Variants in PET117 observed in about 807,000 individuals in gnomAD.
PET117 encodes the protein protein PET117 homolog, mitochondrial.
In PET117, 10 loss-of-function variants were observed where a neutral mutation model predicts 9.2. The observed-to-expected ratio is 1.09, with a 90% confidence interval of 0.67 to 1.85. The LOEUF is 1.85. Among genes scored for constraint, PET117 ranks in the 40% most tolerant of loss-of-function variants. PET117 has a pLI of 0.00. For synonymous variants in PET117, 43 were observed against 37.1 expected, an observed-to-expected ratio of 1.16 and a Z score of -0.57; for missense variants, 96 against 98.2, an observed-to-expected ratio of 0.98 and a Z score of 0.09.
intron 1 of PET117, 44 bp downstream of exon 1, chr20:18,138,095 G>T: frequency 1.4e-6 from 2 of 1,436,136 alleles, no homozygotes; most frequent in South Asian, 1.4e-5. Context: ...CGCGCGCGGC[G>T]TCGACCTGGG....
chr20:18,138,073 C>T (rs1404142051), intron 1 of PET117, 22 bp downstream of exon 1: 8 of 1,447,716 alleles, frequency 5.5e-6, no homozygotes, highest in Middle Eastern at 1.8e-4. Flanking sequence ...GTGACCGTCT[C>T]TTCCGGGCCC....
At chr20:18,138,456 G>C (rs2037387273) in intron 1 of PET117, 1 of 992,880 alleles carries the variant, frequency 1.0e-6, no homozygotes. Context: ...TGGGGAAGGA[G>C]TTTCTTGGGG....
At chr20:18,141,190 C>T (rs1266280354) in intron 1 of PET117, among the ~76,000 whole-genome samples, 3 of 151,704 alleles carry the variant, frequency 2.0e-5, no homozygotes, top group African/African-American at 7.3e-5. Flanking sequence ...TGGCCTAAAA[C>T]CTTTAGAGTA....
intron 1 of PET117, among the ~76,000 whole-genome samples, chr20:18,139,480 C>G (rs2037439373): frequency 6.6e-6 from 1 of 152,164 alleles, no homozygotes; most frequent in Non-Finnish European, 1.5e-5. Flanking sequence ...GTCCCCACCC[C>G]AGACCATTTA....
At position 18,143,115 on chromosome 20, in the gene PET117, CATT is replaced by C. The variant is rs1337314267; in HGVS notation, c.*759_*761del. The C allele has an allele frequency of 3.7e-6, 5 of 1,336,916 alleles. No individual in the cohort carries two copies. Among genetic ancestry groups the C allele is most frequent in the South Asian group, 4.0e-5 (2 of 49,416 alleles). 82.8% of individuals were successfully genotyped at this position (1,336,916 alleles called of 1,614,324 possible). On this transcript the variant is annotated 3_prime_UTR_variant, in exon 2 of 2. Transcript: ENST00000432901. ...TGAAACGTACTGTCAACCTCTATCACATTGTTAAATTAACACTTTTGGTGGTAA... is the reference window on the plus strand; with the variant it reads ...TGAAACGTACTGTCAACCTCTATCACGTTAAATTAACACTTTTGGTGGTAA...
At chr20:18,138,407 C>G (rs892801697) in intron 1 of PET117, 2 of 1,023,796 alleles carry the variant, frequency 2.0e-6, no homozygotes, top group African/African-American at 3.4e-5. Flanking sequence ...AGGGTGCGGA[C>G]CTTTCCACAT....
chr20:18,140,818 CAAA>C (rs1157203058), intron 1 of PET117, among the ~76,000 whole-genome samples: 1 of 79,076 alleles, frequency 1.3e-5, no homozygotes, highest in Admixed American at 1.6e-4. Flanking sequence ...GACTCCTTCT[CAAA>C]AAAAAAAAAA....
At chr20:18,140,760 TAAGATCGTGCCATGGAGCC>T (rs1002992993) in intron 1 of PET117, among the ~76,000 whole-genome samples, 2 of 127,484 alleles carry the variant, frequency 1.6e-5, no homozygotes, top group Non-Finnish European at 3.1e-5. Context: ...TGCAGTGAGC[TAAGATCGTGCCATGGAGCC>T]AAGATCTCCA....
intron 1 of PET117, among the ~76,000 whole-genome samples, chr20:18,141,113 A>G (rs533015701): frequency 1.9e-4 from 27 of 144,864 alleles, no homozygotes; most frequent in Non-Finnish European, 3.1e-4. Flanking sequence ...TTCTGAGCTC[A>G]AGCAGTCTGC....
At chr20:18,138,263 A>G in intron 1 of PET117, 2 of 1,231,818 alleles carry the variant, frequency 1.6e-6, no homozygotes, top group African/African-American at 1.6e-5. Context: ...TGCAGCCCGC[A>G]GATTCAGGAC....
intron 1 of PET117, chr20:18,138,281 C>G: frequency 8.2e-7 from 1 of 1,217,342 alleles, no homozygotes; most frequent in Non-Finnish European, 1.0e-6. Flanking sequence ...GACGACCCGG[C>G]TGCCCGGCTT....
chr20:18,142,423 C>T lies in PET117; in HGVS notation c.*66C>T. Reference sequence around the variant, plus strand: ...GTGTGTGTGTGTTGATGGAGAGTAGCTTAGTAGTATCTTCATCTTTTTTTT... The same window carrying T: ...GTGTGTGTGTGTTGATGGAGAGTAGTTTAGTAGTATCTTCATCTTTTTTTT... On this transcript the variant is annotated 3_prime_UTR_variant, in exon 2 of 2. Transcript: ENST00000432901. 1 of 1,477,490 alleles carries T rather than the reference C, an allele frequency of 6.8e-7. No individual in the cohort carries two copies. The highest frequency in any genetic ancestry group is 8.9e-7 in the Non-Finnish European group (1 of 1,120,498). The allele number at this position is 1,477,490 out of a possible 1,614,324, so 91.5% of individuals were successfully genotyped here. A position where few individuals can be genotyped will look rare whatever the true frequency, so the allele number is the denominator to read the frequency against.
At chr20:18,139,147 G>A (rs1324693312) in intron 1 of PET117, among the ~76,000 whole-genome samples, 1 of 152,210 alleles carries the variant, frequency 6.6e-6, no homozygotes, top group East Asian at 1.9e-4. Context: ...GGAAGCATGT[G>A]ATGGTACAAG....
In PET117 at chr20:18,137,933, A is replaced by AGGCCGC. The variant is rs1382493432; in HGVS notation, c.-16_-11dup. On this transcript the variant is annotated 5_prime_UTR_variant, in exon 1 of 2. Coordinates refer to ENST00000432901, the MANE Select transcript of PET117 (RefSeq NM_001164811.2). The stretch of plus-strand genomic sequence containing the variant: ...TGCGCCTCGGGCGGGCGGGAGAGAG[A>AGGCCGC]GGCCGCGGCCGCCAGCGTGGGGATG... The AGGCCGC allele has an allele frequency of 2.0e-6, 3 of 1,474,184 alleles. No individual in the cohort carries two copies. Among genetic ancestry groups the AGGCCGC allele is most frequent in the Admixed American group, 2.4e-5 (1 of 41,546 alleles). The allele number at this position is 1,474,184 out of a possible 1,614,324, so 91.3% of individuals were successfully genotyped here.
At position 18,137,884 on chromosome 20, in the gene PET117, C is replaced by T. The variant is rs1453831105; in HGVS notation, c.-72C>T. The T allele has an allele frequency of 8.6e-6, 12 of 1,392,674 alleles. No individual in the cohort carries two copies. The highest frequency in any genetic ancestry group is 3.0e-5 in the Admixed American group (1 of 33,328). 86.3% of individuals were successfully genotyped at this position (1,392,674 alleles called of 1,614,324 possible). A position where few individuals can be genotyped will look rare whatever the true frequency, so the allele number is the denominator to read the frequency against. On this transcript the variant is annotated 5_prime_UTR_variant, in exon 1 of 2. Coordinates refer to ENST00000432901, the MANE Select transcript of PET117 (RefSeq NM_001164811.2). Reference sequence around the variant, plus strand: ...GGTCGAGCCTGGGCAGTACAGGCGGCGGTGCGCACTCTGCGGCGGCCTCTG... The same window carrying T: ...GGTCGAGCCTGGGCAGTACAGGCGGTGGTGCGCACTCTGCGGCGGCCTCTG...
chr20:18,142,705 T>C lies in PET117; in HGVS notation c.*348T>C, dbSNP rs1260898758. The C allele has an allele frequency of 6.2e-7, 1 of 1,614,034 alleles. No homozygotes were observed. Among genetic ancestry groups the C allele is most frequent in the Non-Finnish European group, 8.5e-7 (1 of 1,180,030 alleles). On this transcript the variant is annotated 3_prime_UTR_variant, in exon 2 of 2. Transcript: ENST00000432901. ...TGAGTAGTCTGATCAGTCGGCATGA[T>C]GACGAAGCCACGAGAACATCGACCT...
Position 18,138,016 on chromosome 20 carries a change from G to A in PET117, c.61G>A (p.Ala21Thr), listed in dbSNP as rs577099221. ...GGTGCTGCTGACGGCGGCCACAGTG[G>A]CCGGCGTACATGTGAAGCAGCAGTG... The part of the protein sequence containing the change: ...LSVLLTAATV[A>T]GVHVKQQWDQ... The change falls in exon 1 of 2, where the codon GCC becomes ACC. Residue 21 changes from alanine to threonine, a missense_variant. Ala to Thr is a moderately conservative substitution (Grantham distance 58). Transcript: ENST00000432901. 24 of 1,499,866 alleles carry A rather than the reference G, an allele frequency of 1.6e-5. No individual in the cohort carries two copies. The highest frequency in any genetic ancestry group is 2.0e-5 in the Non-Finnish European group (23 of 1,131,118). The allele number at this position is 1,499,866 out of a possible 1,614,324, so 92.9% of individuals were successfully genotyped here. A position where few individuals can be genotyped will look rare whatever the true frequency, so the allele number is the denominator to read the frequency against.
intron 1 of PET117, 84 bp from the exon 2 acceptor site, chr20:18,142,124 A>G (rs1464231173): frequency 1.5e-6 from 2 of 1,353,252 alleles, no homozygotes; most frequent in Non-Finnish European, 1.9e-6. Context: ...ATATTTTGGT[A>G]ACACTGTTAT....
In PET117 at chr20:18,142,994, G is replaced by T; in HGVS notation, c.*637G>T. The T allele has an allele frequency of 1.3e-6, 2 of 1,563,018 alleles. No individual in the cohort carries two copies. Among genetic ancestry groups the T allele is most frequent in the Non-Finnish European group, 1.7e-6 (2 of 1,150,738 alleles). ...TGTTTTTCCAACCTGTGAAAGAAAC[G>T]TGAATGTAAAAGAGACCTAAATAAA... On this transcript the variant is annotated 3_prime_UTR_variant, in exon 2 of 2. Coordinates refer to ENST00000432901, the MANE Select transcript of PET117 (RefSeq NM_001164811.2).
Sources: gnomAD v4.1 joint callset for allele counts (sites outside exome capture counted in the v4.1 genomes callset) on GRCh38, gnomAD v4.1.1 for gene constraint, MANE v1.5 for transcripts, NCBI Gene and HGNC (gene_info 2026-07-23, HGNC 2026-07-21) for gene names.